ATP9B: variants seen among roughly 807,000 people sequenced by gnomAD.
The protein encoded by ATP9B is ATPase phospholipid transporting 9B, also known as probable phospholipid-transporting ATPase IIB.
In ATP9B, 110 loss-of-function variants were observed where a neutral mutation model predicts 146.1. That is an observed-to-expected ratio of 0.75 (90% CI 0.65 to 0.88). ATP9B has a LOEUF of 0.88. ATP9B is among the 40% of genes least tolerant of loss of function. The pLI, the probability that ATP9B is intolerant of heterozygous loss-of-function variation, is 0.00. For synonymous variants in ATP9B, 604 were observed against 569.7 expected (o/e 1.06, Z -0.86); for missense variants, 1,499 against 1,496.4 (o/e 1.00, Z -0.03).
chr18:79,370,730 G>A (rs1165618083), intron 26 of ATP9B, among the ~76,000 whole-genome samples: 1 of 152,070 alleles, frequency 6.6e-6, no homozygotes, highest in South Asian at 2.1e-4. Context: ...CACCCCACAG[G>A]TGCAGGTCTG....
rs945200857 is a variant in ATP9B at position 79,130,418 on chromosome 18, A to G, written c.667+4043A>G. Among the ~76,000 whole-genome samples the G allele has an allele frequency of 3.0e-5, 3 of 100,300 alleles. No homozygotes were observed. The East Asian group carries it at 1.2e-3, about 40-fold the overall frequency. 65.8% of individuals were successfully genotyped at this position (100,300 alleles called of 152,430 possible). A position where few individuals can be genotyped will look rare whatever the true frequency, so the allele number is the denominator to read the frequency against. On this transcript the variant is annotated intron_variant, in intron 5 of 29. Transcript: ENST00000426216. ...TTTATCCAGTTTGAGGAGCAGAAAGAATGGGAAAAAAAAAACAAAACCGCT... is the reference window on the plus strand; with the variant it reads ...TTTATCCAGTTTGAGGAGCAGAAAGGATGGGAAAAAAAAAACAAAACCGCT...
At chr18:79,280,142 A>G (rs1374926299) in intron 13 of ATP9B, among the ~76,000 whole-genome samples, 2 of 152,256 alleles carry the variant, frequency 1.3e-5, no homozygotes, top group African/African-American at 4.8e-5. Context: ...ACAGTTGAAT[A>G]CTAAATAGCA....
intron 18 of ATP9B, 72 bp downstream of exon 18, chr18:79,336,783 C>A: frequency 1.4e-6 from 2 of 1,480,168 alleles, no homozygotes; most frequent in Non-Finnish European, 1.9e-6. Context: ...TTCTTCCTGT[C>A]TTTGTATGAA....
At chr18:79,314,194 A>G (rs2096667452) in intron 15 of ATP9B, among the ~76,000 whole-genome samples, 1 of 152,244 alleles carries the variant, frequency 6.6e-6, no homozygotes, top group Non-Finnish European at 1.5e-5. Flanking sequence ...ATCATTTGAG[A>G]GACTTAACTA....
rs141073733 is a variant in ATP9B at position 79,279,467 on chromosome 18, G to A, written c.1411+2271G>A. ...TCAAAGTAGCAAAATATGAACAACC[G>A]TACTGTTCCCAAAGAAAACAAATTC... On this transcript the variant is annotated intron_variant, in intron 13 of 29. Coordinates refer to ENST00000426216, the MANE Select transcript of ATP9B (RefSeq NM_198531.5). Among the ~76,000 whole-genome samples, 10 of 152,210 alleles carry A rather than the reference G, an allele frequency of 6.6e-5. 1 individual carries two copies. The highest frequency in any genetic ancestry group is 1.7e-4 in the African/African-American group (7 of 41,552).
intron 9 of ATP9B, among the ~76,000 whole-genome samples, chr18:79,199,152 C>T (rs1484465010): frequency 2.0e-5 from 3 of 151,850 alleles, no homozygotes; most frequent in Non-Finnish European, 2.9e-5. Context: ...GGGGTTTCAC[C>T]GTGTTGGTCA....
At chr18:79,283,272 T>C (rs1244157874) in intron 13 of ATP9B, among the ~76,000 whole-genome samples, 1 of 152,198 alleles carries the variant, frequency 6.6e-6, no homozygotes, top group Non-Finnish European at 1.5e-5. Flanking sequence ...TAAAGCGTCC[T>C]GGTTCTCCGT....
chr18:79,074,863 G>A (rs1452801808), intron 1 of ATP9B, among the ~76,000 whole-genome samples: 5 of 152,192 alleles, frequency 3.3e-5, no homozygotes, highest in African/African-American at 1.2e-4. Context: ...CTGAAGTTGG[G>A]TTTTATTTTA....
intron 5 of ATP9B, among the ~76,000 whole-genome samples, chr18:79,128,052 CTTT>C (rs1173565651): frequency 1.4e-5 from 1 of 71,686 alleles, no homozygotes; most frequent in South Asian, 5.7e-4. Flanking sequence ...CCTTTGCCGA[CTTT>C]TTTTTTTTTT....
chr18:79,261,839 T>C (rs888300967), intron 12 of ATP9B, among the ~76,000 whole-genome samples: 1 of 152,190 alleles, frequency 6.6e-6, no homozygotes, highest in Non-Finnish European at 1.5e-5. Context: ...GCTCGAGCGT[T>C]GTGGGAGGAT....
intron 13 of ATP9B, among the ~76,000 whole-genome samples, chr18:79,290,462 G>T (rs989473160): frequency 6.6e-6 from 1 of 152,196 alleles, no homozygotes; most frequent in Admixed American, 6.6e-5. Context: ...TTTTAAGCCC[G>T]TCAGAAAAGT....
At chr18:79,223,670 T>TGGG (rs1229348813) in intron 11 of ATP9B, among the ~76,000 whole-genome samples, 1 of 152,210 alleles carries the variant, frequency 6.6e-6, no homozygotes, top group African/African-American at 2.4e-5. Flanking sequence ...GGTGGCTCTT[T>TGGG]GGGGTACATT....
chr18:79,124,762 C>T (rs2094252948), intron 4 of ATP9B, among the ~76,000 whole-genome samples: 1 of 152,136 alleles, frequency 6.6e-6, no homozygotes, highest in African/African-American at 2.4e-5. Flanking sequence ...TGGGGAGAGC[C>T]TGCGTCCGGC....
In ATP9B at chr18:79,262,874, A is replaced by G. The variant is rs80128927; in HGVS notation, c.1268+9333A>G. ...TCTCTTATTAGTTATAGCATGAATT[A>G]TGTGCCAGTTTTTATATTGGCTTAG... On this transcript the variant is annotated intron_variant, in intron 12 of 29. Coordinates refer to ENST00000426216, the MANE Select transcript of ATP9B (RefSeq NM_198531.5). Among the ~76,000 whole-genome samples the G allele has an allele frequency of 2.6e-3, 394 of 152,326 alleles. 10 individuals carry two copies. The East Asian group carries it at 0.061, about 23-fold the overall frequency.
chr18:79,323,326 A>G (rs2096726479), intron 15 of ATP9B, among the ~76,000 whole-genome samples: 1 of 152,226 alleles, frequency 6.6e-6, no homozygotes, highest in South Asian at 2.1e-4. Flanking sequence ...TAAAATATAC[A>G]TAAATTATTG....
At chr18:79,314,617 A>G (rs2096669530) in intron 15 of ATP9B, among the ~76,000 whole-genome samples, 2 of 152,174 alleles carry the variant, frequency 1.3e-5, no homozygotes, top group Admixed American at 6.5e-5. Flanking sequence ...TGTGGAACCT[A>G]CTTATGCCCC....
At chr18:79,181,973 C>A (rs1326448516) in intron 8 of ATP9B, among the ~76,000 whole-genome samples, 2 of 152,096 alleles carry the variant, frequency 1.3e-5, no homozygotes, top group East Asian at 3.8e-4. Flanking sequence ...TTATTGTATG[C>A]TGAGTATATA....
intron 1 of ATP9B, chr18:79,078,184 C>G (rs1295173427): frequency 2.0e-5 from 3 of 152,256 alleles, no homozygotes; most frequent in South Asian, 2.1e-4. Context: ...TTTCTGTCGT[C>G]TTTGGATGGG....
At chr18:79,203,560 C>A (rs1157059216) in intron 9 of ATP9B, among the ~76,000 whole-genome samples, 1 of 152,152 alleles carries the variant, frequency 6.6e-6, no homozygotes. Flanking sequence ...GTTTATTGGA[C>A]AATGTTCATT....
Sources: gnomAD v4.1 joint callset for allele counts (sites outside exome capture counted in the v4.1 genomes callset) on GRCh38, gnomAD v4.1.1 for gene constraint, MANE v1.5 for transcripts, NCBI Gene and HGNC (gene_info 2026-07-23, HGNC 2026-07-21) for gene names.